NEK9: variants seen among roughly 807,000 people sequenced by gnomAD.
NEK9 encodes NIMA related kinase 9, also known as serine/threonine-protein kinase Nek9.
Under a neutral mutation model 123.4 loss-of-function variants are expected in NEK9, and 75 were observed. The observed-to-expected ratio is 0.61, with a 90% CI of 0.50 to 0.74. The LOEUF (loss-of-function observed/expected upper bound fraction) is 0.74. Ranked by LOEUF, NEK9 falls within the 30% of genes least tolerant of loss-of-function variation. NEK9 has a pLI of 0.00. For missense variants in NEK9, 952 were observed against 1,214.4 expected, an observed-to-expected ratio of 0.78 and a Z score of 3.21; for synonymous variants, 438 against 458.7, an observed-to-expected ratio of 0.95 and a Z score of 0.58.
At chr14:75,116,576 A>C in intron 6 of NEK9, 1 of 277,746 alleles carries the variant, frequency 3.6e-6, no homozygotes, top group Non-Finnish European at 7.8e-6. Flanking sequence ...TGAAAAAGTG[A>C]ACCATCATAT....
chr14:75,126,137 C>T (rs1895516282), intron 1 of NEK9, among the ~76,000 whole-genome samples: 1 of 152,112 alleles, frequency 6.6e-6, no homozygotes, highest in South Asian at 2.1e-4. Context: ...AAGATAAACA[C>T]TGATAAAGAA....
chr14:75,126,574 C>T (rs1202856939), intron 1 of NEK9, 129 bp downstream of exon 1: 5 of 601,128 alleles, frequency 8.3e-6, no homozygotes, highest in African/African-American at 3.9e-5. Context: ...GTGGTGAAGA[C>T]CCTAAGACAT....
At chr14:75,109,976 G>A in intron 9 of NEK9, 99 bp from the exon 10 acceptor site, 1 of 1,122,626 alleles carries the variant, frequency 8.9e-7, no homozygotes, top group Non-Finnish European at 1.3e-6. Flanking sequence ...GCCAATTATG[G>A]TATGAGAAAG....
intron 19 of NEK9, among the ~76,000 whole-genome samples, chr14:75,090,522 TGTGA>T (rs1190459166): frequency 2.0e-5 from 3 of 152,100 alleles, no homozygotes; most frequent in African/African-American, 7.2e-5. Context: ...AGCCATATGT[TGTGA>T]GTAACTTTCC....
At position 75,104,083 on chromosome 14, in the gene NEK9, G is replaced by A; in HGVS notation, c.1576-86C>T. The A allele has an allele frequency of 3.7e-6, 5 of 1,338,222 alleles. No homozygotes were observed. The Middle Eastern group carries it at 5.7e-4, about 153-fold the overall frequency. 82.9% of individuals were successfully genotyped at this position (1,338,222 alleles called of 1,614,324 possible). ...TCTCAAATTCTTTCAAAAGAGACAT[G>A]CTGCATTTAGCAGAATGACTACAGG... On this transcript the variant is annotated intron_variant, in intron 13 of 21. Coordinates refer to ENST00000238616, the MANE Select transcript of NEK9 (RefSeq NM_033116.6).
intron 7 of NEK9, 144 bp downstream of exon 7, chr14:75,114,059 T>C: frequency 1.7e-6 from 1 of 577,270 alleles, no homozygotes; most frequent in Non-Finnish European, 3.1e-6. Context: ...GAATTACCAA[T>C]ACCTATTCTG....
In NEK9 at chr14:75,104,167, CT is replaced by C. The variant is rs57333930; in HGVS notation, c.1576-171del. Among the ~76,000 whole-genome samples the C allele has an allele frequency of 0.45, 64,834 of 142,966 alleles. 15,080 individuals carry two copies. The highest frequency in any genetic ancestry group is 0.83 in the East Asian group (4,028 of 4,866). The allele number at this position is 142,966 out of a possible 152,430, so 93.8% of individuals were successfully genotyped here. A position where few individuals can be genotyped will look rare whatever the true frequency, so the allele number is the denominator to read the frequency against. ...CCCAGTGTCTTAGAGACTACTTTTT[CT>C]TTTTTTTTTTTTTTGAGATAGAGTT... On this transcript the variant is annotated intron_variant, in intron 13 of 21. Transcript: ENST00000238616.
intron 16 of NEK9, 43 bp downstream of exon 16, chr14:75,100,949 A>T: frequency 6.3e-7 from 1 of 1,576,722 alleles, no homozygotes; most frequent in Non-Finnish European, 8.6e-7. Flanking sequence ...ACTGAAACAC[A>T]GCCATGTGTC....
intron 12 of NEK9, 145 bp from the exon 13 acceptor site, chr14:75,106,141 G>A (rs1894764829): frequency 2.8e-6 from 2 of 721,412 alleles, no homozygotes. Flanking sequence ...GGATCATGAG[G>A]TCAGAAGTTC....
rs752811634 is a variant in NEK9, at chr14:75,118,830, C to T, written c.630G>A (p.Thr210=). Reference sequence around the variant, plus strand: ...AAATTAAGACAAGGGCAACACATACCGTCTCAGCCATGGAATACTCAGAAT... The same window carrying T: ...AAATTAAGACAAGGGCAACACATACTGTCTCAGCCATGGAATACTCAGAAT... ...KLNSEYSMAE[T]LVGTPYYMSP... The change falls in exon 5 of 22, where the codon ACG becomes ACA. Residue 210 remains threonine, a splice_region_variant and synonymous_variant. Transcript: ENST00000238616. 6 of 1,537,376 alleles carry T rather than the reference C, an allele frequency of 3.9e-6. No individual in the cohort carries two copies. Among genetic ancestry groups the T allele is most frequent in the Admixed American group, 1.7e-5 (1 of 59,784 alleles).
At chr14:75,107,226 G>A in intron 11 of NEK9, 117 bp downstream of exon 11, 1 of 1,074,840 alleles carries the variant, frequency 9.3e-7, no homozygotes. Flanking sequence ...TTTGCTCAAG[G>A]TCCTCTGGTT....
Position 75,118,458 on chromosome 14 carries a change from T to C in NEK9, c.630+372A>G, listed in dbSNP as rs1053859940. On this transcript the variant is annotated intron_variant, in intron 5 of 21. Transcript: ENST00000238616. ...TGAGCATCAGCCTTCACTTGAAATA[T>C]AGGGTTCTCTTTGAACCAGAAGCAT... 6.6e-5 allele frequency among the ~76,000 whole-genome samples: 10 copies of C among 152,334 alleles called. No homozygotes were observed. The East Asian group carries it at 1.2e-3, about 18-fold the overall frequency.
rs868004129 is a variant in NEK9, at chr14:75,114,287, G to T, written c.789C>A (p.Ile263=). 1.9e-6 allele frequency: 3 copies of T among 1,613,830 alleles called. No individual in the cohort carries two copies. In the African/African-American group the frequency reaches 4.0e-5, roughly 22 times the overall value. ...CTTCCATGGCCCGAATTCCTTGCAC[G>T]ATCTTCACACACAGGTTAAGTGGGT... ...ATNPLNLCVK[I]VQGIRAMEVD... is the part of the protein sequence containing the mutation. Residue 263 remains isoleucine (I), a synonymous_variant, in exon 7 of 22, where the codon ATC becomes ATA. Transcript: ENST00000238616.
At chr14:75,098,643 C>T (rs1350314540) in intron 16 of NEK9, among the ~76,000 whole-genome samples, 1 of 152,138 alleles carries the variant, frequency 6.6e-6, no homozygotes, top group Non-Finnish European at 1.5e-5. Context: ...AGAGTGTGAG[C>T]TCCTTGAAAG....
At position 75,095,410 on chromosome 14, in the gene NEK9, G is replaced by C. The variant is rs1894350707; in HGVS notation, c.2195C>G (p.Thr732Ser). The C allele has an allele frequency of 6.2e-7, 1 of 1,613,154 alleles. No homozygotes were observed. The highest frequency in any genetic ancestry group is 8.5e-7 in the Non-Finnish European group (1 of 1,179,324). The change falls in exon 18 of 22, where the codon ACC becomes AGC. Residue 732 changes from threonine to serine, a missense_variant. Physicochemically the swap from Thr to Ser is moderately conservative, Grantham distance 58. Around this residue, in one of 4 missense-constraint regions of NEK9, gnomAD observed 698 missense variants for 875.6 expected, o/e 0.80. Transcript: ENST00000238616. ...LIVEKVLNSK[T>S]IRSNSSGLSI... Reference sequence around the variant, plus strand: ...TAAGCCACTGCTATTGGAACGGATGGTCTTAGAATTCAATACTTTCTCTGA... The same window carrying C: ...TAAGCCACTGCTATTGGAACGGATGCTCTTAGAATTCAATACTTTCTCTGA...
At chr14:75,104,412 C>T (rs1894701865) in intron 13 of NEK9, among the ~76,000 whole-genome samples, 2 of 151,934 alleles carry the variant, frequency 1.3e-5, no homozygotes, top group Non-Finnish European at 1.5e-5. Context: ...GTGATCTACC[C>T]ACCTTGGCCT....
Position 75,106,711 on chromosome 14 carries a change from G to A in NEK9, c.1328-9C>T. ...ATAGAGCTGACCCTCATCTGCAAAA[G>A]AAAGGAAAACAGAATCCATCAAAGG... On this transcript the variant is annotated splice_polypyrimidine_tract_variant and intron_variant, in intron 11 of 21. Transcript: ENST00000238616. 6.2e-7 allele frequency: 1 copy of A among 1,603,402 alleles called. No individual in the cohort carries two copies. Among genetic ancestry groups the A allele is most frequent in the Non-Finnish European group, 8.5e-7 (1 of 1,173,502 alleles).
At chr14:75,086,325 A>AT (rs1894023428) in intron 21 of NEK9, 1 of 151,784 alleles carries the variant, frequency 6.6e-6, no homozygotes, top group Non-Finnish European at 1.5e-5. Context: ...TTCTAGTCTG[A>AT]TAAAAAATGG....
chr14:75,110,834 C>T (rs1035588281), intron 8 of NEK9, among the ~76,000 whole-genome samples: 3 of 152,104 alleles, frequency 2.0e-5, no homozygotes, highest in Admixed American at 6.6e-5. Context: ...GGCTTAAAAC[C>T]TCAGTCATCT....
Sources: gnomAD v4.1 joint callset for allele counts (sites outside exome capture counted in the v4.1 genomes callset) on GRCh38, gnomAD v4.1.1 for gene constraint, gnomAD v4.1.1 regional missense constraint, MANE v1.5 for transcripts, NCBI Gene and HGNC (gene_info 2026-07-23, HGNC 2026-07-21) for gene names.